GRIN2B: variants seen among roughly 807,000 people sequenced by gnomAD.
GRIN2B encodes the protein glutamate receptor ionotropic, NMDA 2B.
Under a neutral mutation model 114.5 loss-of-function variants are expected in GRIN2B, and 5 were observed. The ratio of observed to expected loss-of-function variants is 0.04; its 90% CI spans 0.02 to 0.09. The LOEUF (loss-of-function observed/expected upper bound fraction) is 0.09, where lower values mean the gene tolerates loss of function less well. Ranked by LOEUF, GRIN2B falls within the 10% of genes least tolerant of loss-of-function variation. The pLI, the probability that GRIN2B is intolerant of heterozygous loss-of-function variation, is 1.00. For synonymous variants in GRIN2B, 787 were observed against 745.1 expected, an observed-to-expected ratio of 1.06 and a Z score of -0.92; for missense variants, 1,108 against 1,943.5, an observed-to-expected ratio of 0.57 and a Z score of 8.08.
At chr12:13,829,900 C>T (rs1865116379) in intron 3 of GRIN2B, among the ~76,000 whole-genome samples, 1 of 152,114 alleles carries the variant, frequency 6.6e-6, no homozygotes, top group South Asian at 2.1e-4. Flanking sequence ...CTTCTTCTTC[C>T]CAACATGTTG....
intron 2 of GRIN2B, among the ~76,000 whole-genome samples, chr12:13,952,462 G>A (rs1198496564): frequency 6.6e-6 from 1 of 152,128 alleles, no homozygotes; most frequent in Admixed American, 6.5e-5. Flanking sequence ...ACTGCTTCAG[G>A]AAAATCTCCA....
At chr12:13,977,459 C>T (rs1863044364) in intron 2 of GRIN2B, 1 of 152,232 alleles carries the variant, frequency 6.6e-6, no homozygotes, top group South Asian at 2.1e-4. Flanking sequence ...AAATCACCCA[C>T]CTAATGTCCT....
intron 3 of GRIN2B, among the ~76,000 whole-genome samples, chr12:13,779,746 C>A (rs916555959): frequency 1.3e-5 from 2 of 152,134 alleles, no homozygotes; most frequent in Non-Finnish European, 2.9e-5. Flanking sequence ...CTGAACACTG[C>A]AGTTAGAGCC....
chr12:13,620,375 C>T (rs934297853), intron 5 of GRIN2B, among the ~76,000 whole-genome samples: 2 of 152,144 alleles, frequency 1.3e-5, no homozygotes, highest in African/African-American at 4.8e-5. Flanking sequence ...CATCTCTTCC[C>T]AACTCCTTGT....
chr12:13,608,571 G>A (rs1160705240), intron 10 of GRIN2B, 32 bp downstream of exon 10: 1 of 1,489,072 alleles, frequency 6.7e-7, no homozygotes, highest in Non-Finnish European at 9.4e-7. Flanking sequence ...AGGATTGAGG[G>A]AAAGACGGGA....
At chr12:13,710,479 C>T (rs547305403) in intron 4 of GRIN2B, among the ~76,000 whole-genome samples, 42 of 152,120 alleles carry the variant, frequency 2.8e-4, no homozygotes, top group African/African-American at 8.4e-4. Flanking sequence ...TCTAGAAAAC[C>T]CCATCGTCTC....
intron 3 of GRIN2B, among the ~76,000 whole-genome samples, chr12:13,835,127 G>A (rs1187308594): frequency 1.3e-5 from 2 of 152,116 alleles, no homozygotes; most frequent in East Asian, 1.9e-4. Context: ...AATTCAACTG[G>A]CTCAAAGAGC....
chr12:13,969,944 C>T (rs1316476921), intron 2 of GRIN2B, among the ~76,000 whole-genome samples: 1 of 152,166 alleles, frequency 6.6e-6, no homozygotes, highest in East Asian at 1.9e-4. Flanking sequence ...CCTCTGCCTC[C>T]CAGATTCAAG....
In GRIN2B at chr12:13,680,113, G is replaced by C. The variant is rs554290805; in HGVS notation, c.1011-4254C>G. On this transcript the variant is annotated intron_variant, in intron 4 of 13. Transcript: ENST00000609686. ...TATCAATGAAATACATCTGAAAAAT[G>C]GAGATTGGCTTCTACATATGGAGGC... Among the ~76,000 whole-genome samples the C allele has an allele frequency of 5.9e-5, 9 of 152,134 alleles. No individual in the cohort carries two copies. The South Asian group carries it at 1.9e-3, about 32-fold the overall frequency.
intron 3 of GRIN2B, among the ~76,000 whole-genome samples, chr12:13,759,887 T>C (rs1863646369): frequency 6.6e-6 from 1 of 152,236 alleles, no homozygotes; most frequent in African/African-American, 2.4e-5. Flanking sequence ...CTCTGCTCCA[T>C]GCACTCTGAT....
chr12:13,796,448 C>T (rs1021623022), intron 3 of GRIN2B, among the ~76,000 whole-genome samples: 2 of 152,218 alleles, frequency 1.3e-5, no homozygotes, highest in Non-Finnish European at 2.9e-5. Flanking sequence ...AAGGCACAGG[C>T]ATGATCAACT....
chr12:13,702,307 A>C (rs1223578581), intron 4 of GRIN2B, among the ~76,000 whole-genome samples: 1 of 152,182 alleles, frequency 6.6e-6, no homozygotes, highest in Non-Finnish European at 1.5e-5. Context: ...AAGGTATTTA[A>C]TTTTTATTTG....
intron 3 of GRIN2B, among the ~76,000 whole-genome samples, chr12:13,762,603 T>C (rs1863699321): frequency 6.6e-6 from 1 of 152,242 alleles, no homozygotes. Flanking sequence ...AGGCATTTTA[T>C]ATTTGATTAA....
At chr12:13,764,501 G>A (rs945780387) in intron 3 of GRIN2B, among the ~76,000 whole-genome samples, 4 of 152,196 alleles carry the variant, frequency 2.6e-5, no homozygotes, top group Admixed American at 6.5e-5. Context: ...GGGACCTTGG[G>A]TAGCTGAAAT....
chr12:13,777,517 C>T (rs1591724915), intron 3 of GRIN2B, among the ~76,000 whole-genome samples: 1 of 152,188 alleles, frequency 6.6e-6, no homozygotes, highest in African/African-American at 2.4e-5. Flanking sequence ...CAATACCCAT[C>T]TTCAGAATAA....
In GRIN2B at chr12:13,607,293, TAAAA is replaced by T. The variant is rs67320809; in HGVS notation, c.2010+1306_2010+1309del. 1.9e-4 allele frequency among the ~76,000 whole-genome samples: 11 copies of T among 58,074 alleles called. No homozygotes were observed. The East Asian group carries it at 2.7e-3, about 14-fold the overall frequency. 38.1% of individuals were successfully genotyped at this position (58,074 alleles called of 152,430 possible). On this transcript the variant is annotated intron_variant, in intron 10 of 13. Coordinates refer to ENST00000609686, the MANE Select transcript of GRIN2B (RefSeq NM_000834.5). ...TATAAAATATATAATATATATTATA[TAAAA>T]ATATATATTATATATAATATAAAAT... is the stretch of plus-strand genomic sequence containing the variant.
intron 10 of GRIN2B, among the ~76,000 whole-genome samples, chr12:13,599,383 A>C (rs1043016194): frequency 1.3e-5 from 2 of 152,174 alleles, no homozygotes; most frequent in Non-Finnish European, 2.9e-5. Flanking sequence ...GAAACACAAA[A>C]GCCCAGAGCA....
chr12:13,564,539 C>T lies in GRIN2B; in HGVS notation c.2699G>A (p.Arg900His), dbSNP rs202223088. 5.0e-6 allele frequency: 8 copies of T among 1,613,986 alleles called. No individual in the cohort carries two copies. The highest frequency in any genetic ancestry group is 2.2e-5 in the East Asian group (1 of 44,864). Residue 900 changes from arginine (R) to histidine (H), a missense_variant, in exon 14 of 14, where the codon CGC (arginine) becomes CAC (histidine). Physicochemically the swap from Arg to His is conservative, Grantham distance 29. This residue lies in a region of GRIN2B where 27 missense variants were observed against 51.7 expected (regional missense o/e 0.52). Coordinates refer to ENST00000609686, the MANE Select transcript of GRIN2B (RefSeq NM_000834.5). The surrounding 1 kb of genome is among the most constrained non-coding windows in gnomAD (Gnocchi z 4.8). The part of the protein sequence containing the change: ...TMNNTHSNIL[R>H]LLRTAKNMAN... Reference sequence around the variant, plus strand: ...CATGTTCTTGGCCGTGCGCAGCAGGCGCAGGATGTTGGAGTGTGTGTTGTT... The same window carrying T: ...CATGTTCTTGGCCGTGCGCAGCAGGTGCAGGATGTTGGAGTGTGTGTTGTT...
At chr12:13,701,734 T>C (rs1950315058) in intron 4 of GRIN2B, among the ~76,000 whole-genome samples, 1 of 109,880 alleles carries the variant, frequency 9.1e-6, no homozygotes, top group Non-Finnish European at 2.4e-5. Context: ...TGCATTACAA[T>C]GTGTGTTAAA....
Sources: allele counts gnomAD v4.1 joint callset (sites outside exome capture counted in the v4.1 genomes callset), GRCh38; gene constraint gnomAD v4.1.1; regional missense constraint gnomAD v4.1.1; non-coding constraint Gnocchi (gnomAD v3.1); transcripts MANE v1.5; gene names NCBI Gene and HGNC (gene_info 2026-07-23, HGNC 2026-07-21).